NMU: variants seen among roughly 807,000 people sequenced by gnomAD.
NMU encodes neuromedin U.
NMU carries 29 observed loss-of-function variants against 35.4 expected under a neutral mutation model. The observed-to-expected ratio is 0.82, with a 90% CI of 0.61 to 1.12. The LOEUF (loss-of-function observed/expected upper bound fraction) is 1.12. Ranked by LOEUF, NMU falls within the 50% of genes most tolerant of loss-of-function variation. The pLI is 0.00. For synonymous variants in NMU, 78 were observed against 81.3 expected, an observed-to-expected ratio of 0.96 and a Z score of 0.22; for missense variants, 199 against 206.2, an observed-to-expected ratio of 0.97 and a Z score of 0.21.
At chr4:55,628,869 C>T (rs1400568672) in intron 2 of NMU, among the ~76,000 whole-genome samples, 1 of 151,850 alleles carries the variant, frequency 6.6e-6, no homozygotes, top group Non-Finnish European at 1.5e-5. Context: ...GAATGCTTAG[C>T]TTATTAATGT....
chr4:55,601,679 T>TA (rs1234964456), intron 7 of NMU, among the ~76,000 whole-genome samples: 1 of 152,184 alleles, frequency 6.6e-6, no homozygotes, highest in Non-Finnish European at 1.5e-5. Context: ...ACCATATGTT[T>TA]ATATACCTAT....
chr4:55,597,713 A>G (rs984165558), intron 9 of NMU, among the ~76,000 whole-genome samples: 1 of 152,118 alleles, frequency 6.6e-6, no homozygotes, highest in Non-Finnish European at 1.5e-5. Context: ...CCCCATACCT[A>G]TTAGTCTGTT....
rs532682909 is a variant in NMU at position 55,613,301 on chromosome 4, A to C, written c.219+3037T>G. On this transcript the variant is annotated intron_variant, in intron 3 of 9. Transcript: ENST00000264218. ...TCTGCACATTTACCCCTGAACCTAAAATTAAAAAAAAAATTATTTAGGTTC... is the reference window on the plus strand; with the variant it reads ...TCTGCACATTTACCCCTGAACCTAACATTAAAAAAAAAATTATTTAGGTTC... Among the ~76,000 whole-genome samples, 5 of 152,208 alleles carry C rather than the reference A, an allele frequency of 3.3e-5. No homozygotes were observed. The East Asian group carries it at 9.7e-4, about 29-fold the overall frequency.
At chr4:55,603,929 ATATAT>A (rs373714703) in intron 7 of NMU, among the ~76,000 whole-genome samples, 5,778 of 30,356 alleles carry the variant, frequency 0.19, 1,212 homozygotes, top group East Asian at 0.46. Flanking sequence ...AAAAAAAAAT[ATATAT>A]ATATATATAT....
rs774961320 is a variant in NMU at position 55,616,328 on chromosome 4, T to C, written c.219+10A>G. ...CTACATTATTACAAAATATCTTCAATTGGAATTACCTGAGGCTGAGAATCA... is the reference window on the plus strand; with the variant it reads ...CTACATTATTACAAAATATCTTCAACTGGAATTACCTGAGGCTGAGAATCA... On this transcript the variant is annotated intron_variant, in intron 3 of 9. Coordinates refer to ENST00000264218, the MANE Select transcript of NMU (RefSeq NM_006681.4). The C allele has an allele frequency of 3.1e-6, 5 of 1,604,930 alleles. No individual in the cohort carries two copies. The highest frequency in any genetic ancestry group is 1.7e-5 in the Admixed American group (1 of 59,966).
intron 9 of NMU, among the ~76,000 whole-genome samples, chr4:55,598,089 G>GTTTTT (rs10588154): frequency 1.5e-3 from 124 of 85,370 alleles, no homozygotes; most frequent in Middle Eastern, 0.011. Context: ...TTTGGTTGTG[G>GTTTTT]TTTTTTTTTT....
upstream of NMU, chr4:55,636,362 C>T (rs146364914): frequency 3.9e-6 from 4 of 1,026,462 alleles, no homozygotes; most frequent in Non-Finnish European, 5.1e-6. The surrounding 1 kb of genome is among the most constrained non-coding windows in gnomAD (Gnocchi z 4.0). Flanking sequence ...GCGCGGTCCC[C>T]GCCGCGCGTC....
intron 2 of NMU, among the ~76,000 whole-genome samples, chr4:55,629,440 G>A (rs2110212038): frequency 6.6e-6 from 1 of 151,640 alleles, no homozygotes; most frequent in Non-Finnish European, 1.5e-5. Context: ...CCAACATGGT[G>A]AAACCCCGTC....
At position 55,636,137 on chromosome 4, in the gene NMU, G is replaced by T. The variant is rs35771241; in HGVS notation, c.56C>A (p.Ala19Glu). The T allele has an allele frequency of 0.046, 70,399 of 1,523,362 alleles. 1,896 individuals carry two copies. Among genetic ancestry groups the T allele is most frequent in the Non-Finnish European group, 0.053 (60,187 of 1,141,668 alleles). The allele number at this position is 1,523,362 out of a possible 1,614,324, so 94.4% of individuals were successfully genotyped here. The change falls in exon 1 of 10, where the codon GCG (alanine) becomes GAG (glutamate). Residue 19 changes from alanine (A) to glutamate (E), a missense_variant. Physicochemically the swap from Ala to Glu is moderately radical, Grantham distance 107 (BLOSUM62 -1). Transcript: ENST00000264218. The surrounding 1 kb of genome is among the most constrained non-coding windows in gnomAD (Gnocchi z 4.0). ...CAGCAGCAGCAGCAGGAGCGGGGAC[G>T]CCGCGGCCACCTGTCCGGCGGGCGA... ...PRSPAGQVAA[A>E]SPLLLLLLLL...
chr4:55,606,004 T>C (rs936533881), intron 6 of NMU, among the ~76,000 whole-genome samples: 4 of 152,238 alleles, frequency 2.6e-5, no homozygotes, highest in African/African-American at 7.2e-5. Context: ...ATGGGTCACA[T>C]TGAGACTTCT....
chr4:55,604,868 G>A (rs2110188306), intron 7 of NMU, among the ~76,000 whole-genome samples: 1 of 151,674 alleles, frequency 6.6e-6, no homozygotes, highest in Non-Finnish European at 1.5e-5. Context: ...TGAGCAGAAA[G>A]CTTGCCATCC....
At chr4:55,604,007 G>GTATACACATGTA (rs1733558451) in intron 7 of NMU, among the ~76,000 whole-genome samples, 1 of 1,692 alleles carries the variant, frequency 5.9e-4, no homozygotes, top group African/African-American at 9.5e-4. Flanking sequence ...ACGTATATAT[G>GTATACACATGTA]TATATATGTG....
intron 2 of NMU, among the ~76,000 whole-genome samples, chr4:55,625,972 T>C (rs1734512145): frequency 6.6e-6 from 1 of 152,108 alleles, no homozygotes; most frequent in African/African-American, 2.4e-5. Context: ...TCAACCTCCT[T>C]GAATCTGTCC....
At chr4:55,624,938 T>C (rs1280804556) in intron 2 of NMU, among the ~76,000 whole-genome samples, 4 of 64,092 alleles carry the variant, frequency 6.2e-5, no homozygotes, top group Admixed American at 3.9e-4. Context: ...AAACACTGCA[T>C]ATTCTCACTC....
chr4:55,630,311 T>C (rs1734704728), intron 2 of NMU, 91 bp downstream of exon 2: 4 of 957,906 alleles, frequency 4.2e-6, no homozygotes, highest in Non-Finnish European at 6.7e-6. Context: ...GGTAAAATCA[T>C]AGTTCTCCCA....
chr4:55,629,890 T>C (rs910325504), intron 2 of NMU, among the ~76,000 whole-genome samples: 12 of 152,180 alleles, frequency 7.9e-5, no homozygotes, highest in Non-Finnish European at 1.5e-4. Flanking sequence ...TTTATATTAA[T>C]GATGTCTATA....
intron 1 of NMU, among the ~76,000 whole-genome samples, chr4:55,632,196 TG>T (rs1715639405): frequency 6.6e-6 from 1 of 152,090 alleles, no homozygotes; most frequent in Non-Finnish European, 1.5e-5. Flanking sequence ...GACTACATAT[TG>T]GGTACAGTGT....
intron 1 of NMU, among the ~76,000 whole-genome samples, chr4:55,635,396 C>A (rs1370501505): frequency 1.3e-5 from 2 of 152,214 alleles, no homozygotes; most frequent in East Asian, 3.9e-4. Context: ...TCACATCTGC[C>A]ATCACTTGCT....
Position 55,636,017 on chromosome 4 carries a change from C to CG in NMU, c.112+63dup. On this transcript the variant is annotated intron_variant, in intron 1 of 9. Coordinates refer to ENST00000264218, the MANE Select transcript of NMU (RefSeq NM_006681.4). This position sits in a 1 kb window ranked among gnomAD's most constrained non-coding sequence, Gnocchi z 4.0. ...GTGAGAGAAAGAGGGTGGAGGAGAGCGGTGAGTGGAGCCAGAGAGAGGCGC... is the reference window on the plus strand; with the variant it reads ...GTGAGAGAAAGAGGGTGGAGGAGAGCGGGTGAGTGGAGCCAGAGAGAGGCGC... 6.5e-7 allele frequency: 1 copy of CG among 1,531,920 alleles called. No homozygotes were observed. Among genetic ancestry groups the CG allele is most frequent in the Non-Finnish European group, 8.7e-7 (1 of 1,145,560 alleles). 94.9% of individuals were successfully genotyped at this position (1,531,920 alleles called of 1,614,324 possible).
Sources: gnomAD v4.1 joint callset for allele counts (sites outside exome capture counted in the v4.1 genomes callset) on GRCh38, gnomAD v4.1.1 for gene constraint, Gnocchi (gnomAD v3.1) non-coding constraint, MANE v1.5 for transcripts, NCBI Gene and HGNC (gene_info 2026-07-23, HGNC 2026-07-21) for gene names.